Variants in B3GALT5 observed in about 807,000 individuals in gnomAD.
B3GALT5 encodes beta-1,3-galactosyltransferase 5.
For missense variants in B3GALT5, 328 were observed against 396.6 expected (o/e 0.83, Z 1.47); for synonymous variants, 156 against 158.6 (o/e 0.98, Z 0.12).
At chr21:39,659,463 C>A (rs1249322781) in intron 2 of B3GALT5, among the ~76,000 whole-genome samples, 1 of 152,162 alleles carries the variant, frequency 6.6e-6, no homozygotes, top group East Asian at 1.9e-4. Context: ...AGAAGTGAGA[C>A]TCTAATTTAT....
chr21:39,659,639 T>C (rs1378122527), intron 2 of B3GALT5, 114 bp from the exon 3 acceptor site: 1 of 523,934 alleles, frequency 1.9e-6, no homozygotes, highest in African/African-American at 2.1e-5. Flanking sequence ...CTCAAATGCG[T>C]GCTCAGAGTC....
intron 2 of B3GALT5, among the ~76,000 whole-genome samples, chr21:39,651,111 C>CT (rs1249105285): frequency 6.6e-6 from 1 of 152,218 alleles, no homozygotes; most frequent in Non-Finnish European, 1.5e-5. Flanking sequence ...CTGTCCACCA[C>CT]TATTCACCCT....
intron 1 of B3GALT5, among the ~76,000 whole-genome samples, chr21:39,645,851 A>G (rs746948935): frequency 7.9e-5 from 12 of 151,984 alleles, no homozygotes; most frequent in African/African-American, 1.2e-4. Flanking sequence ...CCCGGGGCAG[A>G]TCGCTTTGTT....
At chr21:39,626,029 C>T (rs1391690950) in intron 1 of B3GALT5, among the ~76,000 whole-genome samples, 1 of 152,080 alleles carries the variant, frequency 6.6e-6, no homozygotes, top group Non-Finnish European at 1.5e-5. Flanking sequence ...ACTGTCTAGC[C>T]CCAGGACATT....
chr21:39,669,138 AGTTCTTCTGTTC>A lies in B3GALT5; in HGVS notation c.*7649_*7660del, dbSNP rs2079605619. The A allele has an allele frequency of 1.3e-5, 2 of 152,184 alleles. No individual in the cohort carries two copies. Among genetic ancestry groups the A allele is most frequent in the Admixed American group, 6.5e-5 (1 of 15,280 alleles). The allele number at this position is 152,184 out of a possible 1,614,324, so 9.4% of individuals were successfully genotyped here. On this transcript the variant is annotated 3_prime_UTR_variant, in exon 4 of 4. Coordinates refer to ENST00000684187, the MANE Select transcript of B3GALT5 (RefSeq NM_001356336.2). Reference sequence around the variant, plus strand: ...GAATCTTTCCTGGAACTCTTGGAGAAGTTCTTCTGTTCGTGACATTCTTCACAATCAGAGCAC... The same window carrying A: ...GAATCTTTCCTGGAACTCTTGGAGAAGTGACATTCTTCACAATCAGAGCAC...
intron 1 of B3GALT5, among the ~76,000 whole-genome samples, chr21:39,634,630 G>T (rs1333436320): frequency 6.6e-6 from 1 of 152,118 alleles, no homozygotes; most frequent in Non-Finnish European, 1.5e-5. Context: ...GTGCAGGCCA[G>T]CATTTGCATC....
At chr21:39,652,544 A>G (rs545581884) in intron 2 of B3GALT5, among the ~76,000 whole-genome samples, 1 of 152,192 alleles carries the variant, frequency 6.6e-6, no homozygotes, top group South Asian at 2.1e-4. Flanking sequence ...GGGCCTTCTG[A>G]TTCCAAATTC....
intron 1 of B3GALT5, chr21:39,630,463 C>T (rs549148761): frequency 3.3e-5 from 5 of 152,292 alleles, no homozygotes; most frequent in African/African-American, 9.6e-5. Flanking sequence ...GTGACTCACT[C>T]GGAACTGCTT....
At chr21:39,635,850 A>C (rs1459103437) in intron 1 of B3GALT5, among the ~76,000 whole-genome samples, 1 of 152,030 alleles carries the variant, frequency 6.6e-6, no homozygotes, top group Non-Finnish European at 1.5e-5. Context: ...ATCTGTGTTT[A>C]TTCACCTCCA....
intron 1 of B3GALT5, among the ~76,000 whole-genome samples, chr21:39,633,150 A>G (rs1425171444): frequency 6.6e-6 from 1 of 152,140 alleles, no homozygotes; most frequent in East Asian, 1.9e-4. Context: ...TAGAGGGGGA[A>G]GAGGATGTAG....
chr21:39,649,910 G>C (rs2079378454), intron 2 of B3GALT5, among the ~76,000 whole-genome samples: 1 of 152,192 alleles, frequency 6.6e-6, no homozygotes, highest in Non-Finnish European at 1.5e-5. Flanking sequence ...AAATGTAAAG[G>C]TGGAGGCCTG....
At chr21:39,643,900 C>T (rs1332989550) in intron 1 of B3GALT5, among the ~76,000 whole-genome samples, 2 of 152,060 alleles carry the variant, frequency 1.3e-5, no homozygotes, top group African/African-American at 2.4e-5. Context: ...TAAAATCTTG[C>T]GTTCTTGTGG....
chr21:39,643,981 T>A (rs1019706736), intron 1 of B3GALT5, among the ~76,000 whole-genome samples: 1 of 152,068 alleles, frequency 6.6e-6, no homozygotes, highest in Non-Finnish European at 1.5e-5. Context: ...TTTCAGGAGG[T>A]TTACTTGCTA....
rs1231488917 is a variant in B3GALT5 at position 39,635,770 on chromosome 21, G to A, written c.-391-10622G>A. On this transcript the variant is annotated intron_variant, in intron 1 of 3. Transcript: ENST00000684187. ...GTTGGGATTACAGGTGTGAGCCACC[G>A]CACCTGGCCTCTTCCGTGCTGTTAA... is the stretch of plus-strand genomic sequence containing the variant. Among the ~76,000 whole-genome samples, 7 of 152,124 alleles carry A rather than the reference G, an allele frequency of 4.6e-5. No homozygotes were observed. The East Asian group carries it at 5.8e-4, about 13-fold the overall frequency.
At position 39,666,269 on chromosome 21, in the gene B3GALT5, G is replaced by C. The variant is rs900450353; in HGVS notation, c.*4777G>C. ...TGTCCTCCAGCCCGACACCTGGCCA[G>C]TCCTGTCTCATCTACACTGTCATGC... On this transcript the variant is annotated 3_prime_UTR_variant, in exon 4 of 4. Coordinates refer to ENST00000684187, the MANE Select transcript of B3GALT5 (RefSeq NM_001356336.2). 3 of 152,250 alleles carry C rather than the reference G, an allele frequency of 2.0e-5. No homozygotes were observed. Among genetic ancestry groups the C allele is most frequent in the Non-Finnish European group, 4.4e-5 (3 of 68,124 alleles). The allele number at this position is 152,250 out of a possible 1,614,324, so 9.4% of individuals were successfully genotyped here. A position where few individuals can be genotyped will look rare whatever the true frequency, so the allele number is the denominator to read the frequency against.
chr21:39,661,150 G>A lies in B3GALT5; in HGVS notation c.591G>A (p.Lys197=), dbSNP rs770598841. The change falls in exon 4 of 4, where the codon AAG becomes AAA. Residue 197 remains lysine, a synonymous_variant. Transcript: ENST00000684187. The surrounding 1 kb of genome is among the most constrained non-coding windows in gnomAD (Gnocchi z 4.7). ...TTCCCATCAGGCAGCCATTCAGCAA[G>A]TGGTTTGTCAGTAAATCTGAATATC... ...NEFPIRQPFS[K]WFVSKSEYPW... is the part of the protein sequence containing the mutation. 23 of 1,613,896 alleles carry A rather than the reference G, an allele frequency of 1.4e-5. No homozygotes were observed. Among genetic ancestry groups the A allele is most frequent in the Non-Finnish European group, 1.9e-5 (23 of 1,179,894 alleles).
At chr21:39,636,156 G>C (rs918490106) in intron 1 of B3GALT5, among the ~76,000 whole-genome samples, 2 of 152,140 alleles carry the variant, frequency 1.3e-5, no homozygotes, top group Non-Finnish European at 2.9e-5. Context: ...TTTAGAGCAG[G>C]GATGGTAGTA....
chr21:39,649,536 G>A (rs969017227), intron 2 of B3GALT5, among the ~76,000 whole-genome samples: 2 of 152,214 alleles, frequency 1.3e-5, no homozygotes, highest in Non-Finnish European at 2.9e-5. Context: ...TGCAGTAGGG[G>A]AAAGAGACCT....
chr21:39,616,664 T>C (rs1456782323), intron 1 of B3GALT5, among the ~76,000 whole-genome samples: 5 of 152,210 alleles, frequency 3.3e-5, no homozygotes, highest in African/African-American at 1.2e-4. Context: ...GCTTCTCTCC[T>C]ATGTGAACAT....
Sources: gnomAD v4.1 joint callset for allele counts (sites outside exome capture counted in the v4.1 genomes callset) on GRCh38, gnomAD v4.1.1 for gene constraint, Gnocchi (gnomAD v3.1) non-coding constraint, MANE v1.5 for transcripts, NCBI Gene and HGNC (gene_info 2026-07-23, HGNC 2026-07-21) for gene names.